Variants in ADGRB3 observed in about 807,000 individuals in gnomAD.
The protein encoded by ADGRB3 is brain-specific angiogenesis inhibitor 3.
ADGRB3 carries 37 observed loss-of-function variants against 193.4 expected under a neutral mutation model. The ratio of observed to expected loss-of-function variants is 0.19; its 90% CI spans 0.15 to 0.25. The LOEUF (loss-of-function observed/expected upper bound fraction) is 0.25. ADGRB3 is among the 10% of genes least tolerant of loss of function. ADGRB3 has a pLI of 1.00. For missense variants in ADGRB3, 1,637 were observed against 1,852.9 expected (o/e 0.88, Z 2.14); for synonymous variants, 690 against 644.2 (o/e 1.07, Z -1.08).
intron 3 of ADGRB3, among the ~76,000 whole-genome samples, chr6:68,714,087 C>T (rs80018727): frequency 0.027 from 4,039 of 151,798 alleles, 166 homozygotes; most frequent in African/African-American, 0.091. Context: ...AATCCAAGCA[C>T]TTTGTACTCA....
At chr6:68,674,270 C>G (rs1769031422) in intron 3 of ADGRB3, among the ~76,000 whole-genome samples, 1 of 151,978 alleles carries the variant, frequency 6.6e-6, no homozygotes, top group African/African-American at 2.4e-5. Context: ...TAGGTAATAA[C>G]ATGAATTAGT....
chr6:68,883,822 A>T (rs1765814374), intron 3 of ADGRB3, among the ~76,000 whole-genome samples: 1 of 151,492 alleles, frequency 6.6e-6, no homozygotes, highest in Non-Finnish European at 1.5e-5. Flanking sequence ...AGTCGGTGAG[A>T]CAAAGAACCC....
rs568668111 is a variant in ADGRB3 at position 69,258,086 on chromosome 6, C to T, written c.2814+18860C>T. 5.3e-5 allele frequency among the ~76,000 whole-genome samples: 8 copies of T among 151,900 alleles called. No homozygotes were observed. The East Asian group carries it at 1.4e-3, about 26-fold the overall frequency. ...ATTTGAATGAAATCTCTGCAGCTAG[C>T]GATATAAAGACGAATATCTTTAAGC... On this transcript the variant is annotated intron_variant, in intron 20 of 31. Transcript: ENST00000370598.
At chr6:69,220,206 C>T (rs1765863247) in intron 17 of ADGRB3, among the ~76,000 whole-genome samples, 1 of 151,984 alleles carries the variant, frequency 6.6e-6, no homozygotes, top group Non-Finnish European at 1.5e-5. Context: ...TTTTTAATGA[C>T]CTTTTCAAAC....
chr6:68,947,645 A>G (rs1767808093), intron 6 of ADGRB3, among the ~76,000 whole-genome samples: 1 of 152,060 alleles, frequency 6.6e-6, no homozygotes, highest in South Asian at 2.1e-4. Flanking sequence ...TTACCTTTTA[A>G]TATAATTGTG....
chr6:69,388,172 T>G (rs901060741), intron 31 of ADGRB3, among the ~76,000 whole-genome samples: 3 of 152,142 alleles, frequency 2.0e-5, no homozygotes, highest in Non-Finnish European at 4.4e-5. Context: ...CAAGAGAATA[T>G]AGCAGCATTT....
chr6:69,039,208 T>G (rs1283584919), intron 13 of ADGRB3, among the ~76,000 whole-genome samples: 2 of 151,314 alleles, frequency 1.3e-5, no homozygotes, highest in Non-Finnish European at 2.9e-5. Context: ...AACAAAGTAC[T>G]TATTTTAAGG....
chr6:68,762,507 G>A (rs1045811047), intron 3 of ADGRB3, among the ~76,000 whole-genome samples: 4 of 151,966 alleles, frequency 2.6e-5, no homozygotes, highest in Non-Finnish European at 4.4e-5. Context: ...TAGAGAGAGA[G>A]AGAGTGATAG....
intron 20 of ADGRB3, among the ~76,000 whole-genome samples, chr6:69,268,444 T>C (rs1767096121): frequency 1.3e-5 from 2 of 152,158 alleles, no homozygotes; most frequent in Admixed American, 6.6e-5. Flanking sequence ...TTGAATTTAT[T>C]GCTGTTCCTA....
At chr6:69,180,527 C>T (rs1370774133) in intron 17 of ADGRB3, among the ~76,000 whole-genome samples, 1 of 152,104 alleles carries the variant, frequency 6.6e-6, no homozygotes, top group African/African-American at 2.4e-5. Context: ...CTCTGAATGC[C>T]TGGAGATCTG....
At chr6:69,135,152 T>A (rs1774116017) in intron 17 of ADGRB3, among the ~76,000 whole-genome samples, 1 of 152,052 alleles carries the variant, frequency 6.6e-6, no homozygotes, top group African/African-American at 2.4e-5. Context: ...AAAAGAAGCT[T>A]TTAAAATTCC....
At chr6:68,754,513 A>T (rs1312674389) in intron 3 of ADGRB3, among the ~76,000 whole-genome samples, 1 of 152,196 alleles carries the variant, frequency 6.6e-6, no homozygotes, top group East Asian at 1.9e-4. Flanking sequence ...CACACATTGT[A>T]TATTATTTGT....
intron 20 of ADGRB3, among the ~76,000 whole-genome samples, chr6:69,244,355 G>T (rs1330791734): frequency 1.3e-5 from 2 of 151,870 alleles, no homozygotes; most frequent in South Asian, 2.1e-4. Flanking sequence ...AGATTTTTTT[G>T]TTTTGTCAGA....
At chr6:69,021,166 G>A (rs536829334) in intron 13 of ADGRB3, among the ~76,000 whole-genome samples, 1 of 151,972 alleles carries the variant, frequency 6.6e-6, no homozygotes, top group Non-Finnish European at 1.5e-5. Context: ...TAGAGACTGA[G>A]TAACTAAGAA....
At chr6:68,923,112 G>A (rs1767089065) in intron 3 of ADGRB3, among the ~76,000 whole-genome samples, 2 of 54,432 alleles carry the variant, frequency 3.7e-5, no homozygotes, top group South Asian at 5.7e-4. Context: ...AGAAAGTCAG[G>A]TTTGATACTT....
chr6:69,344,151 A>T (rs1769036306), intron 26 of ADGRB3, among the ~76,000 whole-genome samples: 1 of 152,146 alleles, frequency 6.6e-6, no homozygotes, highest in Admixed American at 6.6e-5. Context: ...AAACTCTTTC[A>T]CTAAATGGAA....
chr6:69,296,987 T>C (rs1767832878), intron 20 of ADGRB3, among the ~76,000 whole-genome samples: 1 of 152,128 alleles, frequency 6.6e-6, no homozygotes, highest in Non-Finnish European at 1.5e-5. Context: ...GGTTATGTTA[T>C]AGGCTTATAT....
intron 20 of ADGRB3, among the ~76,000 whole-genome samples, chr6:69,276,275 T>A (rs1767301284): frequency 6.6e-6 from 1 of 152,074 alleles, no homozygotes. Flanking sequence ...GTTAATCACA[T>A]CCACAAATGA....
At chr6:68,754,694 A>T (rs369343352) in intron 3 of ADGRB3, among the ~76,000 whole-genome samples, 9 of 151,874 alleles carry the variant, frequency 5.9e-5, no homozygotes, top group African/African-American at 1.9e-4. Flanking sequence ...CCTCCATTTA[A>T]TATGTGCTTA....
Sources: allele counts gnomAD v4.1 joint callset (sites outside exome capture counted in the v4.1 genomes callset), GRCh38; gene constraint gnomAD v4.1.1; transcripts MANE v1.5; gene names NCBI Gene and HGNC (gene_info 2026-07-23, HGNC 2026-07-21).